Variants in SERGEF observed in about 807,000 individuals in gnomAD.
SERGEF encodes secretion regulating guanine nucleotide exchange factor.
A neutral mutation model predicts 50.0 loss-of-function variants in SERGEF; 51 were observed. The ratio of observed to expected loss-of-function variants is 1.02; its 90% CI spans 0.81 to 1.29. The LOEUF is 1.29. Among genes scored for constraint, SERGEF ranks in the 50% most tolerant of loss-of-function variants. SERGEF has a pLI of 0.00. For missense variants in SERGEF, 521 were observed against 557.0 expected (o/e 0.94, Z 0.65); for synonymous variants, 205 against 212.4 (o/e 0.97, Z 0.30).
chr11:17,800,922 A>G (rs1285947268), intron 10 of SERGEF, among the ~76,000 whole-genome samples: 1 of 152,152 alleles, frequency 6.6e-6, no homozygotes, highest in Non-Finnish European at 1.5e-5. Context: ...AAGGCCGGGC[A>G]CGGTGGCTCA....
rs181218121 is a variant in SERGEF, at chr11:17,993,818, G to T, written c.623-825C>A. Among the ~76,000 whole-genome samples the T allele has an allele frequency of 4.6e-3, 695 of 152,166 alleles. 4 individuals carry two copies. The highest frequency in any genetic ancestry group is 0.016 in the African/African-American group (665 of 41,494). Reference sequence around the variant, plus strand: ...GCCAGGTGAGGAGGGAACAGCCCGGGTTCCAGCTCCAGAACTTTTGGCAAT... The same window carrying T: ...GCCAGGTGAGGAGGGAACAGCCCGGTTTCCAGCTCCAGAACTTTTGGCAAT... On this transcript the variant is annotated intron_variant, in intron 6 of 10. Transcript: ENST00000265965.
intron 10 of SERGEF, among the ~76,000 whole-genome samples, chr11:17,835,146 A>G (rs902753186): frequency 1.3e-5 from 2 of 152,230 alleles, no homozygotes; most frequent in African/African-American, 4.8e-5. Context: ...TACAGTGAAC[A>G]ACTTTTTCTG....
intron 4 of SERGEF, chr11:18,002,118 C>T: frequency 2.3e-6 from 1 of 437,086 alleles, no homozygotes; most frequent in Non-Finnish European, 4.5e-6. Context: ...AGCGTTAATA[C>T]AATTTGAACA....
intron 9 of SERGEF, among the ~76,000 whole-genome samples, chr11:17,930,192 T>C (rs984650144): frequency 1.3e-5 from 2 of 152,194 alleles, no homozygotes; most frequent in African/African-American, 4.8e-5. Flanking sequence ...TTCATAGAGA[T>C]GTAGTGAAGA....
intron 10 of SERGEF, among the ~76,000 whole-genome samples, chr11:17,861,938 T>C (rs1850934232): frequency 6.6e-6 from 1 of 152,272 alleles, no homozygotes; most frequent in Non-Finnish European, 1.5e-5. Context: ...GGTTTCTCTG[T>C]TGAACAGTAC....
chr11:17,865,135 T>G (rs1209753846), intron 10 of SERGEF, among the ~76,000 whole-genome samples: 2 of 152,184 alleles, frequency 1.3e-5, no homozygotes, highest in African/African-American at 4.8e-5. Context: ...CATAAGATTA[T>G]AAGGGAGCTG....
intron 10 of SERGEF, among the ~76,000 whole-genome samples, chr11:17,848,158 T>C (rs1271935787): frequency 6.6e-6 from 1 of 152,148 alleles, no homozygotes. Flanking sequence ...GAAGGCCCAG[T>C]CTATGTGCAG....
chr11:17,824,660 C>A (rs1462864354), intron 10 of SERGEF, among the ~76,000 whole-genome samples: 4 of 152,190 alleles, frequency 2.6e-5, no homozygotes, highest in Non-Finnish European at 1.5e-5. Context: ...CTCTCCCTGG[C>A]CTGCAGATGG....
rs187510279 is a variant in SERGEF, at chr11:17,918,596, T to C, written c.1012-40352A>G. The C allele has an allele frequency of 1.1e-4, 35 of 331,756 alleles. No homozygotes were observed. The East Asian group carries it at 1.5e-3, about 14-fold the overall frequency. The allele number at this position is 331,756 out of a possible 1,614,324, so 20.6% of individuals were successfully genotyped here. On this transcript the variant is annotated intron_variant, in intron 9 of 10. Coordinates refer to ENST00000265965, the MANE Select transcript of SERGEF (RefSeq NM_012139.4). ...ATGTCCCCATGACTTAAGGAATTCA[T>C]AATCAGTAAGATAAATAAAGCAGGA...
intron 10 of SERGEF, among the ~76,000 whole-genome samples, chr11:17,806,841 G>T (rs1311262797): frequency 6.6e-6 from 1 of 152,018 alleles, no homozygotes; most frequent in African/African-American, 2.4e-5. Context: ...GCTAACATCT[G>T]CCTACCTCCA....
At chr11:17,949,648 C>G (rs1034138623) in intron 9 of SERGEF, among the ~76,000 whole-genome samples, 4 of 151,978 alleles carry the variant, frequency 2.6e-5, no homozygotes, top group African/African-American at 9.7e-5. Context: ...TTAGGAAAGG[C>G]AAAAGGGAGG....
intron 9 of SERGEF, among the ~76,000 whole-genome samples, chr11:17,886,165 A>G (rs1303920291): frequency 6.6e-6 from 1 of 152,166 alleles, no homozygotes; most frequent in Non-Finnish European, 1.5e-5. Context: ...ACAACCAGGT[A>G]TACCTCACGC....
chr11:17,848,930 G>A (rs1161488027), intron 10 of SERGEF, among the ~76,000 whole-genome samples: 1 of 152,186 alleles, frequency 6.6e-6, no homozygotes, highest in East Asian at 1.9e-4. Flanking sequence ...AGATTATACA[G>A]TCGAATGGGG....
chr11:17,970,367 T>C (rs184213702), intron 8 of SERGEF, among the ~76,000 whole-genome samples: 39 of 152,264 alleles, frequency 2.6e-4, no homozygotes, highest in African/African-American at 8.9e-4. Flanking sequence ...ACTTAATCGA[T>C]TGTGTTCTGA....
At chr11:17,937,415 T>C (rs1852474132) in intron 9 of SERGEF, among the ~76,000 whole-genome samples, 1 of 152,076 alleles carries the variant, frequency 6.6e-6, no homozygotes. Flanking sequence ...TGCGTGCCTA[T>C]AGTCCCAGCT....
Position 17,888,140 on chromosome 11 carries a change from C to G in SERGEF, c.1012-9896G>C, listed in dbSNP as rs1281755944. Reference sequence around the variant, plus strand: ...GATCTGAGGTGGAACAGTTTCATCCCGAAACCATCCCATCCCCACCTCTTC... The same window carrying G: ...GATCTGAGGTGGAACAGTTTCATCCGGAAACCATCCCATCCCCACCTCTTC... On this transcript the variant is annotated intron_variant, in intron 9 of 10. Transcript: ENST00000265965. The surrounding 1 kb of genome is among the most constrained non-coding windows in gnomAD (Gnocchi z 4.1). Among the ~76,000 whole-genome samples the G allele has an allele frequency of 6.6e-6, 1 of 152,146 alleles. No homozygotes were observed. The highest frequency in any genetic ancestry group is 2.4e-5 in the African/African-American group (1 of 41,426).
intron 9 of SERGEF, among the ~76,000 whole-genome samples, chr11:17,916,765 A>G (rs1852056199): frequency 6.6e-6 from 1 of 152,252 alleles, no homozygotes; most frequent in South Asian, 2.1e-4. Context: ...GACATGTACA[A>G]GCTAAAAGGC....
intron 10 of SERGEF, among the ~76,000 whole-genome samples, chr11:17,854,462 G>T (rs1439614359): frequency 6.6e-6 from 1 of 152,160 alleles, no homozygotes; most frequent in Non-Finnish European, 1.5e-5. Flanking sequence ...AAGGAGAAAA[G>T]GGTACCACAT....
intron 8 of SERGEF, among the ~76,000 whole-genome samples, chr11:17,975,911 G>A (rs1853362864): frequency 6.6e-6 from 1 of 152,114 alleles, no homozygotes; most frequent in African/African-American, 2.4e-5. Flanking sequence ...CTTCTGTTTG[G>A]AATGCCCTCC....
Sources: gnomAD v4.1 joint callset for allele counts (sites outside exome capture counted in the v4.1 genomes callset) on GRCh38, gnomAD v4.1.1 for gene constraint, Gnocchi (gnomAD v3.1) non-coding constraint, MANE v1.5 for transcripts, NCBI Gene and HGNC (gene_info 2026-07-23, HGNC 2026-07-21) for gene names.